The following VSNL1 variants were observed in gnomAD, a reference collection of about 807,000 sequenced individuals.
VSNL1 encodes visinin-like protein 1.
Under a neutral mutation model 20.4 loss-of-function variants are expected in VSNL1, and 6 were observed. The ratio of observed to expected loss-of-function variants is 0.29; its 90% confidence interval spans 0.16 to 0.58. The LOEUF is 0.58. Ranked by LOEUF, VSNL1 falls within the 20% of genes least tolerant of loss-of-function variation. The probability of loss-of-function intolerance (pLI) is 0.90; values close to 1 mark genes in which losing one functional copy is unlikely to be tolerated. For missense variants in VSNL1, 100 were observed against 234.5 expected, an observed-to-expected ratio of 0.43 and a Z score of 3.75; for synonymous variants, 93 against 86.4, an observed-to-expected ratio of 1.08 and a Z score of -0.42.
intron 1 of VSNL1, among the ~76,000 whole-genome samples, chr2:17,579,780 G>A (rs1166886453): frequency 6.6e-6 from 1 of 152,166 alleles, no homozygotes. Flanking sequence ...CCTGGAAAAG[G>A]ACCTCCTGTG....
At chr2:17,561,223 T>C (rs896135876) in intron 1 of VSNL1, among the ~76,000 whole-genome samples, 2 of 152,122 alleles carry the variant, frequency 1.3e-5, no homozygotes, top group South Asian at 2.1e-4. Flanking sequence ...TGTGGACATA[T>C]ATAACAAAGA....
chr2:17,552,092 C>G (rs190164039), intron 1 of VSNL1, among the ~76,000 whole-genome samples: 4,415 of 148,748 alleles, frequency 0.03, 64 homozygotes, highest in Middle Eastern at 0.056. Flanking sequence ...CCCAGCTACT[C>G]GGGAGGCTGA....
At chr2:17,622,340 A>T (rs1665380559) in intron 2 of VSNL1, among the ~76,000 whole-genome samples, 1 of 151,822 alleles carries the variant, frequency 6.6e-6, no homozygotes, top group Admixed American at 6.6e-5. Context: ...TGTACTAAAA[A>T]TACAAAAATT....
chr2:17,596,108 C>T (rs1572354897), intron 2 of VSNL1, among the ~76,000 whole-genome samples: 1 of 152,162 alleles, frequency 6.6e-6, no homozygotes, highest in Non-Finnish European at 1.5e-5. Context: ...GTTATGGCAG[C>T]CTGAGCAAAT....
intron 2 of VSNL1, among the ~76,000 whole-genome samples, chr2:17,609,877 C>G (rs1307884346): frequency 6.6e-6 from 1 of 152,212 alleles, no homozygotes; most frequent in Non-Finnish European, 1.5e-5. Context: ...CACAACCCCC[C>G]ACTGCCATCA....
At chr2:17,632,378 G>A (rs1311367478) in intron 2 of VSNL1, among the ~76,000 whole-genome samples, 2 of 151,030 alleles carry the variant, frequency 1.3e-5, no homozygotes, top group African/African-American at 2.4e-5. Context: ...TCAGCTCAGT[G>A]CAACCTCTGC....
intron 1 of VSNL1, among the ~76,000 whole-genome samples, chr2:17,579,301 G>C (rs1470129172): frequency 6.6e-6 from 1 of 151,928 alleles, no homozygotes; most frequent in Non-Finnish European, 1.5e-5. Flanking sequence ...GTTTTTAGTA[G>C]GGACGGGGTT....
At chr2:17,542,009 G>A (rs1386838749) in intron 1 of VSNL1, among the ~76,000 whole-genome samples, 1 of 152,142 alleles carries the variant, frequency 6.6e-6, no homozygotes, top group Non-Finnish European at 1.5e-5. Context: ...AATTGTTGGT[G>A]GTTGTGGAGA....
chr2:17,616,281 T>C (rs1665215295), intron 2 of VSNL1, among the ~76,000 whole-genome samples: 2 of 152,244 alleles, frequency 1.3e-5, no homozygotes, highest in Admixed American at 6.5e-5. Flanking sequence ...GTGAACATCA[T>C]CACAAGAGTG....
At position 17,585,469 on chromosome 2, in the gene VSNL1, C is replaced by T. The variant is rs139803761; in HGVS notation, c.-5-6601C>T. On this transcript the variant is annotated intron_variant, in intron 1 of 3. Coordinates refer to ENST00000295156, the MANE Select transcript of VSNL1 (RefSeq NM_003385.5). Reference sequence around the variant, plus strand: ...TTAACAGTCTCTGGAAACCAGCAATCCGGTGTCAGTTGTTTATAGGATCCA... The same window carrying T: ...TTAACAGTCTCTGGAAACCAGCAATTCGGTGTCAGTTGTTTATAGGATCCA... Among the ~76,000 whole-genome samples the T allele has an allele frequency of 1.7e-3, 261 of 151,888 alleles. 2 individuals are homozygous for T. The highest frequency in any genetic ancestry group is 3.3e-3 in the South Asian group (16 of 4,792).
At chr2:17,650,792 C>T (rs949620776) in intron 3 of VSNL1, among the ~76,000 whole-genome samples, 5 of 152,238 alleles carry the variant, frequency 3.3e-5, no homozygotes, top group East Asian at 1.9e-4. Flanking sequence ...AAGCTGGCCT[C>T]GTTCACTTGC....
intron 2 of VSNL1, among the ~76,000 whole-genome samples, chr2:17,638,307 TATGGGTA>T (rs1426483153): frequency 6.6e-6 from 1 of 152,212 alleles, no homozygotes; most frequent in Non-Finnish European, 1.5e-5. Flanking sequence ...CACAATTCAA[TATGGGTA>T]ATGTGCTTAC....
At chr2:17,603,840 A>G (rs925950284) in intron 2 of VSNL1, among the ~76,000 whole-genome samples, 1 of 152,220 alleles carries the variant, frequency 6.6e-6, no homozygotes, top group African/African-American at 2.4e-5. Flanking sequence ...ATTTTTCCTC[A>G]TAAATGTCCC....
chr2:17,575,132 A>G lies in VSNL1; in HGVS notation c.-5-16938A>G, dbSNP rs138243637. Among the ~76,000 whole-genome samples the G allele has an allele frequency of 3.3e-3, 506 of 151,968 alleles. 3 individuals are homozygous for G. The highest frequency in any genetic ancestry group is 9.5e-3 in the African/African-American group (394 of 41,448). ...CATGAGCCACCATGCCCAGCCTATT[A>G]AACTTTTTGTAGGAGATGGCCAAGA... On this transcript the variant is annotated intron_variant, in intron 1 of 3. Coordinates refer to ENST00000295156, the MANE Select transcript of VSNL1 (RefSeq NM_003385.5).
chr2:17,582,104 A>G (rs1664363691), intron 1 of VSNL1, among the ~76,000 whole-genome samples: 1 of 152,230 alleles, frequency 6.6e-6, no homozygotes, highest in African/African-American at 2.4e-5. Flanking sequence ...AGCTAATGAG[A>G]ACTGCCCTCA....
rs150799528 is a variant in VSNL1 at position 17,633,073 on chromosome 2, A to T, written c.163-16337A>T. ...AGAGGTTTAATTGACTCACAGTGCC[A>T]CATGGCTAAGGAGGTCTCACAATCG... On this transcript the variant is annotated intron_variant, in intron 2 of 3. Transcript: ENST00000295156. Among the ~76,000 whole-genome samples, 527 of 152,324 alleles carry T rather than the reference A, an allele frequency of 3.5e-3. 2 individuals are homozygous for T. Among genetic ancestry groups the T allele is most frequent in the African/African-American group, 0.012 (512 of 41,570 alleles).
At chr2:17,624,103 C>G (rs565851999) in intron 2 of VSNL1, among the ~76,000 whole-genome samples, 12 of 152,312 alleles carry the variant, frequency 7.9e-5, no homozygotes, top group African/African-American at 2.9e-4. Flanking sequence ...AGATCAGGAA[C>G]TCTAATTTCT....
At chr2:17,563,305 G>A (rs1663861220) in intron 1 of VSNL1, among the ~76,000 whole-genome samples, 1 of 152,216 alleles carries the variant, frequency 6.6e-6, no homozygotes, top group Admixed American at 6.5e-5. Flanking sequence ...GCTCATTAAT[G>A]TGCTTCATTA....
rs1352738635 is a variant in VSNL1, at chr2:17,634,577, C to A, written c.163-14833C>A. Among the ~76,000 whole-genome samples, 5 of 152,200 alleles carry A rather than the reference C, an allele frequency of 3.3e-5. No homozygotes were observed. Among genetic ancestry groups the A allele is most frequent in the African/African-American group, 4.8e-5 (2 of 41,452 alleles). ...GTTTGTTGTACAAATGAGGCTGAGG[C>A]AAAGCTTAGCTGTGCCCCTTCCCGT... is the stretch of plus-strand genomic sequence containing the variant. On this transcript the variant is annotated intron_variant, in intron 2 of 3. Coordinates refer to ENST00000295156, the MANE Select transcript of VSNL1 (RefSeq NM_003385.5). This position sits in a 1 kb window ranked among gnomAD's most constrained non-coding sequence, Gnocchi z 4.3.
Sources: allele counts gnomAD v4.1 joint callset (sites outside exome capture counted in the v4.1 genomes callset), GRCh38; gene constraint gnomAD v4.1.1; non-coding constraint Gnocchi (gnomAD v3.1); transcripts MANE v1.5; gene names NCBI Gene and HGNC (gene_info 2026-07-23, HGNC 2026-07-21).